The following FNDC3B variants were observed in gnomAD, a reference collection of about 807,000 sequenced individuals.
The protein encoded by FNDC3B is fibronectin type III domain containing 3B.
FNDC3B carries 12 observed loss-of-function variants against 151.5 expected under a neutral mutation model. The ratio of observed to expected loss-of-function variants is 0.08; its 90% CI spans 0.05 to 0.13. The LOEUF is 0.13. Among genes scored for constraint, FNDC3B ranks in the 10% least tolerant of loss-of-function variants. FNDC3B has a pLI of 1.00. For missense variants in FNDC3B, 1,214 were observed against 1,505.3 expected, an observed-to-expected ratio of 0.81 and a Z score of 3.20; for synonymous variants, 528 against 549.0, an observed-to-expected ratio of 0.96 and a Z score of 0.54.
intron 3 of FNDC3B, among the ~76,000 whole-genome samples, chr3:172,146,614 T>G (rs1721922123): frequency 6.6e-6 from 1 of 152,224 alleles, no homozygotes; most frequent in African/African-American, 2.4e-5. Flanking sequence ...ATTCTTGCAC[T>G]GTGCTTTCCC....
intron 3 of FNDC3B, among the ~76,000 whole-genome samples, chr3:172,199,396 G>C (rs1204796646): frequency 2.0e-5 from 3 of 147,640 alleles, no homozygotes; most frequent in Admixed American, 6.7e-5. Context: ...AGCCAGGATG[G>C]TCTCGATCTC....
intron 19 of FNDC3B, among the ~76,000 whole-genome samples, chr3:172,345,257 A>G (rs964205249): frequency 1.3e-5 from 2 of 152,224 alleles, no homozygotes; most frequent in African/African-American, 2.4e-5. Context: ...ATTAACGCCT[A>G]TGTACCTGAA....
chr3:172,101,898 T>G (rs1719394989), intron 1 of FNDC3B, among the ~76,000 whole-genome samples: 1 of 152,210 alleles, frequency 6.6e-6, no homozygotes, highest in Non-Finnish European at 1.5e-5. Flanking sequence ...CTCTAAAAAT[T>G]ATTAAGTCTG....
In FNDC3B at chr3:172,039,655, C is replaced by T; in HGVS notation, c.-145C>T. On this transcript the variant is annotated 5_prime_UTR_variant, in exon 1 of 26. Transcript: ENST00000415807. ...GGCGGCGGCGGCTGGAGGAGGAGAG[C>T]GGCGGCGGCGGGAGCAGCGAAGGGG... is the stretch of plus-strand genomic sequence containing the variant. 6.1e-6 allele frequency: 1 copy of T among 164,736 alleles called. No homozygotes were observed. Among genetic ancestry groups the T allele is most frequent in the Non-Finnish European group, 1.3e-5 (1 of 77,256 alleles). 10.2% of individuals were successfully genotyped at this position (164,736 alleles called of 1,614,324 possible). A position where few individuals can be genotyped will look rare whatever the true frequency, so the allele number is the denominator to read the frequency against.
chr3:172,148,932 T>C (rs1293124607), intron 3 of FNDC3B, among the ~76,000 whole-genome samples: 1 of 152,208 alleles, frequency 6.6e-6, no homozygotes, highest in Non-Finnish European at 1.5e-5. Context: ...TTCTACCTAT[T>C]CTTGGCTATA....
chr3:172,295,103 CA>C (rs1730536242), intron 7 of FNDC3B, among the ~76,000 whole-genome samples: 1 of 152,174 alleles, frequency 6.6e-6, no homozygotes, highest in Admixed American at 6.6e-5. Context: ...AATTCCCTCG[CA>C]TGACATTATT....
In FNDC3B at chr3:172,352,850, C is replaced by G. The variant is rs754464652; in HGVS notation, c.2562C>G (p.Cys854Trp). 6.2e-6 allele frequency: 10 copies of G among 1,614,184 alleles called. No individual in the cohort carries two copies. The highest frequency in any genetic ancestry group is 8.5e-6 in the Non-Finnish European group (10 of 1,180,032). Residue 854 changes from cysteine to tryptophan, a missense_variant, in exon 22 of 26, where the codon TGC becomes TGG. By Grantham distance (215) the Cys-to-Trp change is radical (BLOSUM62 -2). Around this residue, in one of 7 missense-constraint regions of FNDC3B, gnomAD observed 380 missense variants for 420.9 expected, o/e 0.90. Transcript: ENST00000415807. This position sits in a 1 kb window ranked among gnomAD's most constrained non-coding sequence, Gnocchi z 4.2. ...GAGPYSELVL[C>W]QTPASAPDPV... ...GGCCGTACAGTGAACTTGTCCTTTG[C>G]CAGACGCCAGCGTCTGCCCCTGACC...
chr3:172,133,689 A>T (rs367594838), intron 3 of FNDC3B, 143 bp downstream of exon 3: 5 of 728,230 alleles, frequency 6.9e-6, no homozygotes, highest in East Asian at 5.1e-5. Flanking sequence ...TTTCTGTCGC[A>T]TGGTCTCAAA....
intron 1 of FNDC3B, among the ~76,000 whole-genome samples, chr3:172,110,426 A>G (rs1719901264): frequency 1.3e-5 from 2 of 152,206 alleles, no homozygotes; most frequent in South Asian, 2.1e-4. Context: ...AAGGACCCTC[A>G]TCTCCCTCCC....
chr3:172,277,093 G>A (rs1236241858), intron 6 of FNDC3B, among the ~76,000 whole-genome samples: 2 of 152,172 alleles, frequency 1.3e-5, no homozygotes, highest in African/African-American at 4.8e-5. Flanking sequence ...GGGGTGAAAT[G>A]TCATGAGATC....
chr3:172,101,877 T>G (rs2108524359), intron 1 of FNDC3B, among the ~76,000 whole-genome samples: 1 of 152,342 alleles, frequency 6.6e-6, no homozygotes, highest in African/African-American at 2.4e-5. Context: ...CTTAAGCTAC[T>G]TTAAAATGTG....
chr3:172,237,706 T>A (rs1241605556), intron 4 of FNDC3B: 1 of 152,232 alleles, frequency 6.6e-6, no homozygotes, highest in Non-Finnish European at 1.5e-5. Flanking sequence ...ATTAACTGAT[T>A]AGCGAAAACC....
chr3:172,351,350 T>C (rs1733841555), intron 21 of FNDC3B, among the ~76,000 whole-genome samples: 2 of 151,982 alleles, frequency 1.3e-5, no homozygotes, highest in Non-Finnish European at 2.9e-5. Context: ...GCAAAGGCCA[T>C]GAGGAGGCAG....
chr3:172,229,751 G>A (rs1012492335), intron 4 of FNDC3B, among the ~76,000 whole-genome samples: 1 of 152,122 alleles, frequency 6.6e-6, no homozygotes, highest in Non-Finnish European at 1.5e-5. Context: ...GTACAGGAGA[G>A]ATTCATATAT....
At chr3:172,263,080 G>T (rs1728735538) in intron 6 of FNDC3B, among the ~76,000 whole-genome samples, 1 of 142,040 alleles carries the variant, frequency 7.0e-6, no homozygotes, top group Admixed American at 6.9e-5. Flanking sequence ...GTAATAAAAA[G>T]CAATATATAT....
chr3:172,283,481 G>GTGATCA (rs1412477118), intron 6 of FNDC3B, among the ~76,000 whole-genome samples: 2 of 152,108 alleles, frequency 1.3e-5, no homozygotes, highest in African/African-American at 2.4e-5. Context: ...TGTTGAGTAG[G>GTGATCA]TGATCATCCC....
At chr3:172,195,085 A>T (rs1215258419) in intron 3 of FNDC3B, among the ~76,000 whole-genome samples, 1 of 152,226 alleles carries the variant, frequency 6.6e-6, no homozygotes, top group Non-Finnish European at 1.5e-5. Context: ...TTTCAGTTAA[A>T]TCATGACCTT....
At chr3:172,198,379 A>G (rs1461955581) in intron 3 of FNDC3B, among the ~76,000 whole-genome samples, 7 of 152,216 alleles carry the variant, frequency 4.6e-5, no homozygotes, top group African/African-American at 1.7e-4. Flanking sequence ...GACACTCACC[A>G]TAGGTAATAC....
At chr3:172,240,009 C>T (rs35967642) in intron 4 of FNDC3B, among the ~76,000 whole-genome samples, 1 of 151,694 alleles carries the variant, frequency 6.6e-6, no homozygotes, top group Non-Finnish European at 1.5e-5. Context: ...GCTGGGACTA[C>T]AGGCTCCCGC....
Sources: gnomAD v4.1 joint callset for allele counts (sites outside exome capture counted in the v4.1 genomes callset) on GRCh38, gnomAD v4.1.1 for gene constraint, gnomAD v4.1.1 regional missense constraint, Gnocchi (gnomAD v3.1) non-coding constraint, MANE v1.5 for transcripts, NCBI Gene and HGNC (gene_info 2026-07-23, HGNC 2026-07-21) for gene names.